RPSA2: variants seen among roughly 807,000 people sequenced by gnomAD.
RPSA2 encodes the protein ribosomal protein SA 2.
At chr19:23,832,510 C>G in the RPSA2 span, 39 of 604,256 alleles carry the variant, frequency 6.5e-5, no homozygotes, top group Non-Finnish European at 9.5e-5. Context: ...AAAACTCAAA[C>G]CTTACTATAT....
chr19:23,813,127 T>G, the RPSA2 span, among the ~76,000 whole-genome samples: 2 of 150,540 alleles, frequency 1.3e-5, no homozygotes, highest in Non-Finnish European at 2.9e-5. Context: ...CTCAGCTACT[T>G]GAGAGAATGA....
chr19:23,870,522 T>A, the RPSA2 span, among the ~76,000 whole-genome samples: 1 of 6,594 alleles, frequency 1.5e-4, no homozygotes, highest in Non-Finnish European at 3.6e-3. Flanking sequence ...CATTGGTGAA[T>A]TACAAAAAAA....
the RPSA2 span, among the ~76,000 whole-genome samples, chr19:23,861,945 A>G: frequency 2.0e-5 from 3 of 152,200 alleles, no homozygotes; most frequent in South Asian, 2.1e-4. Flanking sequence ...TCTCTATGGT[A>G]GGTAGTCTGG....
chr19:23,831,572 A>ATTATTT, the RPSA2 span: 1 of 161,622 alleles, frequency 6.2e-6, no homozygotes, highest in Non-Finnish European at 1.5e-5. Flanking sequence ...GGAGTAATTT[A>ATTATTT]TTATTTTTAT....
chr19:23,788,458 G>A, the RPSA2 span, among the ~76,000 whole-genome samples: 1 of 152,144 alleles, frequency 6.6e-6, no homozygotes, highest in Non-Finnish European at 1.5e-5. Flanking sequence ...ACTTGGCCCA[G>A]CACCTATGTG....
the RPSA2 span, among the ~76,000 whole-genome samples, chr19:23,858,021 G>A: frequency 8.0e-4 from 122 of 151,856 alleles, no homozygotes; most frequent in African/African-American, 2.9e-3. Context: ...TTACTATCAT[G>A]ATGTTTATTG....
chr19:23,773,886 G>T, the RPSA2 span, among the ~76,000 whole-genome samples: 1 of 152,144 alleles, frequency 6.6e-6, no homozygotes, highest in Non-Finnish European at 1.5e-5. Context: ...CAATATATAG[G>T]AAGGGTTAAC....
At chr19:23,840,380 T>C in the RPSA2 span, among the ~76,000 whole-genome samples, 2 of 152,186 alleles carry the variant, frequency 1.3e-5, no homozygotes, top group Non-Finnish European at 2.9e-5. Flanking sequence ...ATATTGAAAG[T>C]ATTCCCTTTG....
chr19:23,768,868 G>A, the RPSA2 span, among the ~76,000 whole-genome samples: 1 of 151,744 alleles, frequency 6.6e-6, no homozygotes, highest in Admixed American at 6.6e-5. Context: ...GATTACAGGT[G>A]TGAGCCATTG....
At chr19:23,758,900 C>T in the RPSA2 span, 3 of 1,047,092 alleles carry the variant, frequency 2.9e-6, no homozygotes, top group African/African-American at 3.2e-5. Context: ...ACAAAGGCCC[C>T]GCCAATCCCG....
At chr19:23,783,346 T>C in the RPSA2 span, among the ~76,000 whole-genome samples, 1 of 152,018 alleles carries the variant, frequency 6.6e-6, no homozygotes, top group Non-Finnish European at 1.5e-5. Context: ...TTGACTGTCT[T>C]AGCCTCCCAC....
the RPSA2 span, among the ~76,000 whole-genome samples, chr19:23,824,583 T>TCTTTC: frequency 1.8e-5 from 2 of 111,012 alleles, no homozygotes; most frequent in Middle Eastern, 4.6e-3. Flanking sequence ...AGCATTTCTT[T>TCTTTC]TTTTTTTTTT....
chr19:23,758,757 T>C, the RPSA2 span: 255 of 1,614,180 alleles, frequency 1.6e-4, no homozygotes, highest in Admixed American at 1.5e-4. Context: ...CATTTCTAGG[T>C]TTCCGGGGGA....
the RPSA2 span, chr19:23,832,090 T>A: frequency 6.5e-6 from 3 of 458,290 alleles, no homozygotes; most frequent in Non-Finnish European, 1.3e-5. Context: ...TAAGCAACAC[T>A]CAACCCTTAC....
At chr19:23,775,879 G>T in the RPSA2 span, among the ~76,000 whole-genome samples, 1 of 152,174 alleles carries the variant, frequency 6.6e-6, no homozygotes, top group African/African-American at 2.4e-5. Flanking sequence ...AAGAACTGGG[G>T]TATATACAGG....
chr19:23,769,884 G>A, the RPSA2 span, among the ~76,000 whole-genome samples: 2 of 152,154 alleles, frequency 1.3e-5, no homozygotes, highest in East Asian at 1.9e-4. Flanking sequence ...CAAGGGCCCC[G>A]CCCACAGAAG....
chr19:23,827,642 A>G, the RPSA2 span: 3 of 1,595,314 alleles, frequency 1.9e-6, no homozygotes, highest in Admixed American at 1.7e-5. Context: ...GGACATTGCC[A>G]TCCCATGCAA....
chr19:23,855,204 G>A, the RPSA2 span, among the ~76,000 whole-genome samples: 3 of 152,154 alleles, frequency 2.0e-5, no homozygotes, highest in Admixed American at 6.5e-5. Flanking sequence ...AACTGAGCTT[G>A]AGTAATTAGA....
the RPSA2 span, among the ~76,000 whole-genome samples, chr19:23,796,365 G>C: frequency 6.7e-6 from 1 of 149,370 alleles, no homozygotes; most frequent in South Asian, 2.1e-4. Context: ...GCTAAATTTG[G>C]TTTGTCAGTA....
Sources: gnomAD v4.1 joint callset for allele counts (sites outside exome capture counted in the v4.1 genomes callset) on GRCh38, gnomAD v4.1.1 for gene constraint, MANE v1.5 for transcripts, NCBI Gene and HGNC (gene_info 2026-07-23, HGNC 2026-07-21) for gene names.